SPAG16: variants seen among roughly 807,000 people sequenced by gnomAD.
SPAG16 encodes the protein sperm associated antigen 16, also known as sperm-associated antigen 16 protein.
In SPAG16, 86 loss-of-function variants were observed where a neutral mutation model predicts 80.4. The ratio of observed to expected loss-of-function variants is 1.07; its 90% confidence interval spans 0.90 to 1.28. The LOEUF is 1.28. SPAG16 is among the 50% of genes most tolerant of loss of function. The pLI, the probability that SPAG16 is intolerant of heterozygous loss-of-function variation, is 0.00. For missense variants in SPAG16, 870 were observed against 765.3 expected (o/e 1.14, Z -1.61); for synonymous variants, 294 against 265.9 (o/e 1.11, Z -1.03).
chr2:213,447,113 G>C (rs1355272287), intron 9 of SPAG16, among the ~76,000 whole-genome samples: 5 of 152,144 alleles, frequency 3.3e-5, no homozygotes, highest in Non-Finnish European at 5.9e-5. Flanking sequence ...GCCTCATATG[G>C]TTTAGTAATA....
At chr2:213,729,286 C>T (rs2066924003) in intron 10 of SPAG16, among the ~76,000 whole-genome samples, 1 of 152,196 alleles carries the variant, frequency 6.6e-6, no homozygotes. Flanking sequence ...GTTTTTGACA[C>T]GTACTTCCTG....
intron 10 of SPAG16, among the ~76,000 whole-genome samples, chr2:213,825,681 T>TTTTC (rs1245883226): frequency 1.3e-4 from 19 of 147,068 alleles, no homozygotes; most frequent in Admixed American, 9.1e-4. Context: ...TAGCCTGTAG[T>TTTTC]TTTCTTTCTT....
intron 10 of SPAG16, among the ~76,000 whole-genome samples, chr2:213,547,644 A>G (rs1408694255): frequency 2.6e-5 from 4 of 152,196 alleles, no homozygotes; most frequent in Non-Finnish European, 4.4e-5. Context: ...TCAAATGGCT[A>G]TAAAATTGTA....
intron 13 of SPAG16, among the ~76,000 whole-genome samples, chr2:214,031,382 G>T (rs1693085542): frequency 7.8e-6 from 1 of 127,696 alleles, no homozygotes; most frequent in East Asian, 2.4e-4. Context: ...GGTGGGAATT[G>T]AACAATGAGA....
chr2:213,705,750 T>C (rs2065721040), intron 10 of SPAG16, among the ~76,000 whole-genome samples: 1 of 151,296 alleles, frequency 6.6e-6, no homozygotes, highest in African/African-American at 2.4e-5. Flanking sequence ...CTTGGAGCTC[T>C]CAAATAAAAA....
chr2:214,352,587 TCTC>T (rs1321591431), intron 15 of SPAG16, among the ~76,000 whole-genome samples: 1 of 147,368 alleles, frequency 6.8e-6, no homozygotes, highest in African/African-American at 2.7e-5. Context: ...TGTGTGACTA[TCTC>T]CTAACATTTT....
chr2:213,639,283 C>G (rs1277339041), intron 10 of SPAG16, among the ~76,000 whole-genome samples: 11 of 152,102 alleles, frequency 7.2e-5, no homozygotes, highest in African/African-American at 2.7e-4. Flanking sequence ...TTCACCATGC[C>G]ATTTGTTGCC....
At chr2:213,474,011 G>A (rs562678711) in intron 9 of SPAG16, among the ~76,000 whole-genome samples, 13 of 152,278 alleles carry the variant, frequency 8.5e-5, no homozygotes, top group African/African-American at 1.9e-4. Flanking sequence ...GCAGCACAGG[G>A]TTTATCTCCT....
intron 15 of SPAG16, among the ~76,000 whole-genome samples, chr2:214,247,679 T>C (rs1309274243): frequency 6.6e-6 from 1 of 152,094 alleles, no homozygotes; most frequent in Non-Finnish European, 1.5e-5. Flanking sequence ...ACTAGGTATA[T>C]GGGAGGACAG....
chr2:214,310,163 TTC>T (rs1423733964), intron 15 of SPAG16, among the ~76,000 whole-genome samples: 7 of 128,270 alleles, frequency 5.5e-5, no homozygotes, highest in African/African-American at 1.8e-4. Flanking sequence ...TTTTCTTTCT[TTC>T]TTTTTTTTTT....
intron 10 of SPAG16, among the ~76,000 whole-genome samples, chr2:213,698,393 C>T (rs150073646): frequency 6.6e-6 from 1 of 152,236 alleles, no homozygotes; most frequent in Admixed American, 6.5e-5. Flanking sequence ...TCCTGAGTAG[C>T]TGGGACTATA....
chr2:213,911,051 T>G (rs1020106595), intron 11 of SPAG16, among the ~76,000 whole-genome samples: 90 of 152,274 alleles, frequency 5.9e-4, no homozygotes, highest in Non-Finnish European at 1.1e-3. Context: ...ATAAAAACAC[T>G]TCAGTACATT....
chr2:213,807,717 T>A (rs2071858375), intron 10 of SPAG16, among the ~76,000 whole-genome samples: 1 of 152,214 alleles, frequency 6.6e-6, no homozygotes, highest in East Asian at 1.9e-4. Flanking sequence ...AAACTTCTGC[T>A]TAGGGCAGTA....
chr2:213,978,752 A>G (rs2045546612), intron 12 of SPAG16, among the ~76,000 whole-genome samples: 2 of 152,156 alleles, frequency 1.3e-5, no homozygotes, highest in African/African-American at 4.8e-5. Flanking sequence ...AGTATTCTGA[A>G]TGTGTGATTG....
chr2:214,168,355 A>G (rs1576400867), intron 15 of SPAG16, among the ~76,000 whole-genome samples: 3 of 152,004 alleles, frequency 2.0e-5, no homozygotes, highest in Middle Eastern at 3.2e-3. Context: ...AAAATAGTGC[A>G]TGTTGTTTTT....
At chr2:214,310,097 C>T (rs1695181103) in intron 15 of SPAG16, among the ~76,000 whole-genome samples, 1 of 151,368 alleles carries the variant, frequency 6.6e-6, no homozygotes, top group Non-Finnish European at 1.5e-5. Flanking sequence ...TCAAAGCACT[C>T]TTTTTACACT....
chr2:213,968,494 C>T (rs2044840276), intron 12 of SPAG16, among the ~76,000 whole-genome samples: 1 of 152,168 alleles, frequency 6.6e-6, no homozygotes, highest in Non-Finnish European at 1.5e-5. Flanking sequence ...TGCCCGGCCT[C>T]AACTACTTCT....
At chr2:213,310,938 G>C (rs998581187) in intron 4 of SPAG16, among the ~76,000 whole-genome samples, 2 of 151,600 alleles carry the variant, frequency 1.3e-5, no homozygotes, top group African/African-American at 4.8e-5. Flanking sequence ...TTATAATTAG[G>C]ACTAATTCCT....
intron 12 of SPAG16, among the ~76,000 whole-genome samples, chr2:213,963,021 A>G (rs1559634823): frequency 1.4e-5 from 2 of 146,788 alleles, no homozygotes; most frequent in African/African-American, 5.0e-5. Flanking sequence ...TATTGTTTTT[A>G]TAATCACTAT....
Sources: gnomAD v4.1 joint callset for allele counts (sites outside exome capture counted in the v4.1 genomes callset) on GRCh38, gnomAD v4.1.1 for gene constraint, MANE v1.5 for transcripts, NCBI Gene and HGNC (gene_info 2026-07-23, HGNC 2026-07-21) for gene names.